UPRT: variants seen among roughly 807,000 people sequenced by gnomAD.
UPRT encodes uracil phosphoribosyltransferase homolog.
A neutral mutation model predicts 22.6 loss-of-function variants in UPRT; 5 were observed. The ratio of observed to expected loss-of-function variants is 0.22; its 90% CI spans 0.12 to 0.47. The LOEUF (loss-of-function observed/expected upper bound fraction) is 0.47. Ranked by LOEUF, UPRT falls within the 20% of genes least tolerant of loss-of-function variation. The pLI, the probability that UPRT is intolerant of heterozygous loss-of-function variation, is 0.99. For synonymous variants in UPRT, 77 were observed against 87.7 expected (o/e 0.88, Z 0.68); for missense variants, 181 against 239.9 (o/e 0.75, Z 1.62).
At chrX:75,182,775 T>C (rs1602441901) in intron 4 of UPRT, among the ~76,000 whole-genome samples, 1 of 111,326 alleles carries the variant, frequency 9.0e-6, no homozygotes, top group African/African-American at 3.3e-5. Context: ...ATCTACTGCA[T>C]TGATTCTTTC....
At chrX:75,188,594 G>A (rs926157768) in intron 4 of UPRT, among the ~76,000 whole-genome samples, 3 of 112,651 alleles carry the variant, frequency 2.7e-5, no homozygotes, top group Non-Finnish European at 3.8e-5. Context: ...AAGCAAGCCT[G>A]GGCAATGGCG....
chrX:75,183,433 A>G (rs2082278015), intron 4 of UPRT, among the ~76,000 whole-genome samples: 1 of 111,710 alleles, frequency 9.0e-6, no homozygotes, highest in African/African-American at 3.3e-5. Flanking sequence ...TATTGGACAT[A>G]TGGGTTGGTT....
At chrX:75,301,011 G>A (rs1167937470) in intron 6 of UPRT, 46 bp downstream of exon 6, 2 of 954,830 alleles carry the variant, frequency 2.1e-6, no homozygotes, top group East Asian at 6.5e-5. Context: ...ATAGTCCTGA[G>A]GTGGGTAAGT....
In UPRT at chrX:75,274,564, C is replaced by T. The variant is rs761031405; in HGVS notation, c.310C>T (p.Arg104Trp). The change falls in exon 1 of 7, where the codon CGG (arginine) becomes TGG (tryptophan). Residue 104 changes from arginine to tryptophan, a missense_variant. Around this residue, in one of 2 missense-constraint regions of UPRT, gnomAD observed 111 missense variants for 102.8 expected, o/e 1.08. Transcript: ENST00000373383. ...NSFLEDCELS[R>W]QIGAQLKLLP... is the part of the protein sequence containing the mutation. ...CTTCCTAGAGGACTGCGAACTCTCC[C>T]GGCAGATCGGGGCGCAGCTTAAGCT... is the stretch of plus-strand genomic sequence containing the variant. 12 of 1,209,052 alleles carry T rather than the reference C, an allele frequency of 9.9e-6. No homozygotes were observed. Among genetic ancestry groups the T allele is most frequent in the Middle Eastern group, 2.3e-4 (1 of 4,353 alleles).
At chrX:75,211,939 G>A (rs188920445) in intron 4 of UPRT, among the ~76,000 whole-genome samples, 2 of 111,663 alleles carry the variant, frequency 1.8e-5, no homozygotes, top group Admixed American at 1.9e-4. Flanking sequence ...TCATAGGTCT[G>A]AGTGGGAGGG....
At chrX:75,174,610 A>G (rs2082241148) in intron 4 of UPRT, among the ~76,000 whole-genome samples, 1 of 111,845 alleles carries the variant, frequency 8.9e-6, no homozygotes, top group Non-Finnish European at 1.9e-5. Flanking sequence ...CTTACTGGTT[A>G]GTGTAAAAAC....
In UPRT at chrX:75,274,246, G is replaced by C. The variant is rs779203427; in HGVS notation, c.-9G>C. 1 of 1,189,238 alleles carries C rather than the reference G, an allele frequency of 8.4e-7. No homozygotes were observed. The highest frequency in any genetic ancestry group is 3.0e-5 in the East Asian group (1 of 33,420). On this transcript the variant is annotated 5_prime_UTR_variant, in exon 1 of 7. Transcript: ENST00000373383. ...TCAGTAGCAGCGGGGATAGCCCGGG[G>C]CCCGGTGTATGGCCACGGAGTTACA...
chrX:75,225,677 GT>G (rs1179049910), intron 4 of UPRT, among the ~76,000 whole-genome samples: 2 of 111,524 alleles, frequency 1.8e-5, no homozygotes, highest in Non-Finnish European at 3.8e-5. Flanking sequence ...TAAGTGTTTT[GT>G]TTTTTAAACA....
chrX:75,250,770 T>A (rs946243478), intron 4 of UPRT, among the ~76,000 whole-genome samples: 1 of 111,534 alleles, frequency 9.0e-6, no homozygotes. Flanking sequence ...AAAGAGAATT[T>A]TAGACTAATA....
chrX:75,219,430 C>G (rs746568604), intron 4 of UPRT, among the ~76,000 whole-genome samples: 1 of 111,906 alleles, frequency 8.9e-6, no homozygotes, highest in East Asian at 2.8e-4. Flanking sequence ...ATGTAGACAA[C>G]AAAACTCTTT....
intron 4 of UPRT, among the ~76,000 whole-genome samples, chrX:75,223,122 C>T (rs1349365223): frequency 6.4e-5 from 7 of 109,899 alleles, no homozygotes; most frequent in Non-Finnish European, 1.3e-4. Context: ...AGGTGTGTCT[C>T]AAAATGTTAT....
At chrX:75,173,044 C>T (rs1021581794) in intron 4 of UPRT, among the ~76,000 whole-genome samples, 7 of 111,101 alleles carry the variant, frequency 6.3e-5, no homozygotes, top group East Asian at 5.7e-4. Flanking sequence ...TTTGACAGGG[C>T]GCTGATTGGG....
intron 4 of UPRT, among the ~76,000 whole-genome samples, chrX:75,179,758 C>T (rs773725761): frequency 8.8e-6 from 1 of 113,266 alleles, no homozygotes; most frequent in Admixed American, 9.2e-5. Context: ...GCCACTGGCC[C>T]GGGTGCTAAG....
chrX:75,245,629 A>T (rs1035596438), intron 4 of UPRT, among the ~76,000 whole-genome samples: 3 of 112,373 alleles, frequency 2.7e-5, no homozygotes, highest in African/African-American at 9.7e-5. Flanking sequence ...GAATGACATC[A>T]TGTGCTTTGC....
At chrX:75,210,044 G>A (rs757309248) in intron 4 of UPRT, among the ~76,000 whole-genome samples, 30 of 111,724 alleles carry the variant, frequency 2.7e-4, no homozygotes, top group Admixed American at 2.8e-4. Context: ...TGCCCTTATT[G>A]GTATTAGGGC....
In UPRT at chrX:75,304,819, T is replaced by A. The variant is rs2082757567; in HGVS notation, c.*1308T>A. ...GAATACTAGAAGAACTTCAGTATATTTTTCCCTTTATTTTTGAATACTGTC... is the reference window on the plus strand; with the variant it reads ...GAATACTAGAAGAACTTCAGTATATATTTCCCTTTATTTTTGAATACTGTC... On this transcript the variant is annotated 3_prime_UTR_variant, in exon 7 of 7. Transcript: ENST00000373383. Among the ~76,000 whole-genome samples, 1 of 112,101 alleles carries A rather than the reference T, an allele frequency of 8.9e-6. No individual in the cohort carries two copies. Among genetic ancestry groups the A allele is most frequent in the Admixed American group, 9.5e-5 (1 of 10,569 alleles).
intron 4 of UPRT, among the ~76,000 whole-genome samples, chrX:75,218,766 T>C (rs2082401218): frequency 9.6e-6 from 1 of 104,447 alleles, no homozygotes; most frequent in African/African-American, 3.5e-5. Context: ...GAAATCATCA[T>C]TCTCAGTAAA....
chrX:75,271,018 C>T (rs1052459583), upstream of UPRT, among the ~76,000 whole-genome samples: 21 of 111,407 alleles, frequency 1.9e-4, no homozygotes, highest in African/African-American at 6.5e-4. Context: ...TAATCATAGA[C>T]GACACAAACA....
upstream of UPRT, among the ~76,000 whole-genome samples, chrX:75,272,372 A>ACACATATATATATG (rs2082613981): frequency 4.5e-5 from 4 of 89,779 alleles, no homozygotes; most frequent in Admixed American, 1.3e-4. Context: ...ATATATATAT[A>ACACATATATATATG]TGTATATATA....
Sources: gnomAD v4.1 joint callset for allele counts (sites outside exome capture counted in the v4.1 genomes callset) on GRCh38, gnomAD v4.1.1 for gene constraint, gnomAD v4.1.1 regional missense constraint, MANE v1.5 for transcripts, NCBI Gene and HGNC (gene_info 2026-07-23, HGNC 2026-07-21) for gene names.